LIMS1: variants seen among roughly 807,000 people sequenced by gnomAD.
LIMS1 encodes LIM zinc finger domain containing 1, also known as LIM and senescent cell antigen-like-containing domain protein 1.
A neutral mutation model predicts 44.1 loss-of-function variants in LIMS1; 18 were observed. That is an observed-to-expected ratio of 0.41 (90% CI 0.28 to 0.61). The LOEUF is 0.61. Ranked by LOEUF, LIMS1 falls within the 20% of genes least tolerant of loss-of-function variation. The pLI, the probability that LIMS1 is intolerant of heterozygous loss-of-function variation, is 0.32. For synonymous variants in LIMS1, 93 were observed against 149.1 expected (o/e 0.62, Z 2.74); for missense variants, 201 against 422.0 (o/e 0.48, Z 4.59).
At chr2:108,631,349 T>C (rs1010224957) in intron 1 of LIMS1, among the ~76,000 whole-genome samples, 1 of 152,234 alleles carries the variant, frequency 6.6e-6, no homozygotes, top group Non-Finnish European at 1.5e-5. Context: ...AGTAATTGAC[T>C]TCTGCAAGTC....
intron 1 of LIMS1, among the ~76,000 whole-genome samples, chr2:108,600,507 AGAT>A (rs1483747764): frequency 6.6e-6 from 1 of 152,230 alleles, no homozygotes; most frequent in Non-Finnish European, 1.5e-5. Flanking sequence ...TTAAGATCTT[AGAT>A]TTAAGTCTTT....
intron 2 of LIMS1, among the ~76,000 whole-genome samples, chr2:108,666,049 G>A (rs1167755426): frequency 6.6e-6 from 1 of 150,394 alleles, no homozygotes; most frequent in East Asian, 2.0e-4. Flanking sequence ...CACACGCCAA[G>A]CAAGCAATCG....
chr2:108,551,084 A>T (rs982261385), intron 1 of LIMS1, among the ~76,000 whole-genome samples: 39 of 145,510 alleles, frequency 2.7e-4, no homozygotes, highest in African/African-American at 9.8e-4. Flanking sequence ...CTGTGATTGC[A>T]CCACTGCACT....
intron 1 of LIMS1, among the ~76,000 whole-genome samples, chr2:108,636,699 A>G (rs913586210): frequency 1.3e-5 from 2 of 152,222 alleles, no homozygotes; most frequent in Non-Finnish European, 2.9e-5. Flanking sequence ...TGTATAGAAT[A>G]CCACTTTTTG....
chr2:108,536,754 T>A (rs1046425155), intron 1 of LIMS1, among the ~76,000 whole-genome samples: 1 of 152,170 alleles, frequency 6.6e-6, no homozygotes, highest in African/African-American at 2.4e-5. Context: ...ATAATTTTTG[T>A]ATTTTTTTGG....
rs759827869 is a variant in LIMS1, at chr2:108,583,700, C to CTTTTTTTTTTTT, written c.32+49109_32+49120dup. The stretch of plus-strand genomic sequence containing the variant: ...TCCTGTTATTTTGTTGTTGCTGTTT[C>CTTTTTTTTTTTT]TTTTTTTTTTTTTTGAGATGGAGTC... On this transcript the variant is annotated intron_variant, in intron 1 of 9. Transcript: ENST00000544547. 7.7e-5 allele frequency among the ~76,000 whole-genome samples: 10 copies of CTTTTTTTTTTTT among 129,868 alleles called. 1 individual carries two copies. Among genetic ancestry groups the CTTTTTTTTTTTT allele is most frequent in the African/African-American group, 8.4e-5 (3 of 35,742 alleles). The allele number at this position is 129,868 out of a possible 152,430, so 85.2% of individuals were successfully genotyped here.
At chr2:108,577,577 G>C (rs989812121) in intron 1 of LIMS1, among the ~76,000 whole-genome samples, 5 of 152,196 alleles carry the variant, frequency 3.3e-5, no homozygotes, top group African/African-American at 1.2e-4. Flanking sequence ...TAATGGTACA[G>C]AGTGGGTAAG....
intron 1 of LIMS1, among the ~76,000 whole-genome samples, chr2:108,542,156 A>G (rs1455803070): frequency 6.6e-6 from 1 of 152,216 alleles, no homozygotes; most frequent in African/African-American, 2.4e-5. Flanking sequence ...TGAGTAAAAC[A>G]GGATCATTTT....
intron 1 of LIMS1, among the ~76,000 whole-genome samples, chr2:108,602,085 T>G (rs1328398466): frequency 6.6e-6 from 1 of 152,228 alleles, no homozygotes; most frequent in Admixed American, 6.5e-5. Flanking sequence ...GAGTACTTTT[T>G]AAATTTCTTT....
chr2:108,661,610 T>C (rs1691376204), intron 2 of LIMS1, among the ~76,000 whole-genome samples: 1 of 152,086 alleles, frequency 6.6e-6, no homozygotes, highest in Non-Finnish European at 1.5e-5. Context: ...AGGTAGATTG[T>C]GATTAGCTGG....
intron 1 of LIMS1, among the ~76,000 whole-genome samples, chr2:108,592,762 T>C (rs985588415): frequency 6.6e-6 from 1 of 152,256 alleles, no homozygotes; most frequent in South Asian, 2.1e-4. Flanking sequence ...TTTGAACAAA[T>C]TATTTAATAT....
intron 1 of LIMS1, among the ~76,000 whole-genome samples, chr2:108,590,251 C>T (rs1686313541): frequency 2.6e-5 from 4 of 152,048 alleles, no homozygotes. Flanking sequence ...TGTATGTACA[C>T]GTGTGTATAT....
chr2:108,667,546 A>T (rs1464324366), intron 2 of LIMS1, among the ~76,000 whole-genome samples: 2 of 73,588 alleles, frequency 2.7e-5, no homozygotes, highest in Non-Finnish European at 7.4e-5. Flanking sequence ...TTTAAAAAAA[A>T]AAAAAATATA....
chr2:108,616,181 G>C (rs975315542), intron 1 of LIMS1, among the ~76,000 whole-genome samples: 2 of 150,220 alleles, frequency 1.3e-5, no homozygotes, highest in African/African-American at 2.5e-5. Context: ...GAATGACACA[G>C]GCAAGTTTGC....
At position 108,603,151 on chromosome 2, in the gene LIMS1, A is replaced by T. The variant is rs142777732; in HGVS notation, c.33-56454A>T. 1.5e-3 allele frequency among the ~76,000 whole-genome samples: 233 copies of T among 152,294 alleles called. 1 individual carries two copies. The highest frequency in any genetic ancestry group is 5.4e-3 in the African/African-American group (225 of 41,572). ...ATCAGGGTAACACTGGCCTTGTAGA[A>T]TGAGTTTGGAAGTATTCCCCTCTCC... On this transcript the variant is annotated intron_variant, in intron 1 of 9. Coordinates refer to ENST00000544547, the Ensembl canonical transcript of LIMS1.
At chr2:108,680,856 G>A in intron 9 of LIMS1, 86 bp downstream of exon 9, 1 of 1,558,792 alleles carries the variant, frequency 6.4e-7, no homozygotes, top group South Asian at 1.2e-5. Context: ...TTTAGAAAAA[G>A]AGAATTATTT....
At chr2:108,653,010 G>T (rs4012003) in intron 1 of LIMS1, among the ~76,000 whole-genome samples, 62,621 of 152,052 alleles carry the variant, frequency 0.41, 14,844 homozygotes, top group East Asian at 0.94. Context: ...TAAATATGGT[G>T]GTTCCCTTGT....
intron 1 of LIMS1, among the ~76,000 whole-genome samples, chr2:108,590,193 A>T (rs535087393): frequency 7.2e-5 from 11 of 152,380 alleles, no homozygotes; most frequent in African/African-American, 2.4e-4. Context: ...ATTAAGAGTG[A>T]TACCGATTGC....
chr2:108,576,615 G>T (rs1337405388), intron 1 of LIMS1, among the ~76,000 whole-genome samples: 1 of 152,136 alleles, frequency 6.6e-6, no homozygotes, highest in Non-Finnish European at 1.5e-5. Context: ...TGGCCAGGCT[G>T]GTCTCAAACT....
Sources: gnomAD v4.1 joint callset for allele counts (sites outside exome capture counted in the v4.1 genomes callset) on GRCh38, gnomAD v4.1.1 for gene constraint, MANE v1.5 for transcripts, NCBI Gene and HGNC (gene_info 2026-07-23, HGNC 2026-07-21) for gene names.